RIMBP2: variants seen among roughly 807,000 people sequenced by gnomAD.
The protein encoded by RIMBP2 is RIMS-binding protein 2.
In RIMBP2, 48 loss-of-function variants were observed where a neutral mutation model predicts 118.6. That is an observed-to-expected ratio of 0.40 (90% CI 0.32 to 0.51). The LOEUF is 0.51. RIMBP2 is among the 20% of genes least tolerant of loss of function. The pLI is 0.41. For missense variants in RIMBP2, 1,551 were observed against 1,768.3 expected (o/e 0.88, Z 2.20); for synonymous variants, 762 against 742.9 (o/e 1.03, Z -0.42).
chr12:130,571,442 C>T (rs1282341033), intron 2 of RIMBP2, among the ~76,000 whole-genome samples: 1 of 131,750 alleles, frequency 7.6e-6, no homozygotes, highest in African/African-American at 2.9e-5. Flanking sequence ...TTTTTGGAGA[C>T]AGAGTCTCAC....
At chr12:130,630,898 G>A (rs200738013) in intron 1 of RIMBP2, among the ~76,000 whole-genome samples, 10 of 151,946 alleles carry the variant, frequency 6.6e-5, no homozygotes, top group East Asian at 1.9e-4. Flanking sequence ...ATGTACCTCC[G>A]CAGCCTGTTC....
At chr12:130,644,356 C>T (rs953708449) in intron 1 of RIMBP2, among the ~76,000 whole-genome samples, 4 of 152,196 alleles carry the variant, frequency 2.6e-5, no homozygotes, top group East Asian at 3.9e-4. Flanking sequence ...AGGGCAGACA[C>T]GTGTCACCTT....
At chr12:130,513,505 A>G (rs73155107) in intron 3 of RIMBP2, among the ~76,000 whole-genome samples, 16,598 of 89,172 alleles carry the variant, frequency 0.19, 1,058 homozygotes, top group South Asian at 0.32. Context: ...ACAGTGGCCC[A>G]GTGCGGGGAG....
chr12:130,455,867 G>A (rs1243750305), intron 7 of RIMBP2, among the ~76,000 whole-genome samples: 3 of 151,898 alleles, frequency 2.0e-5, no homozygotes, highest in East Asian at 1.9e-4. Flanking sequence ...CACCTCCACC[G>A]AGGTCTGATT....
intron 19 of RIMBP2, among the ~76,000 whole-genome samples, chr12:130,411,361 C>T (rs1174398935): frequency 2.0e-5 from 3 of 152,070 alleles, no homozygotes; most frequent in Admixed American, 6.5e-5. Flanking sequence ...CTCACCATGT[C>T]GCCCTGGTTA....
At chr12:130,399,559 A>T (rs547493844) in intron 22 of RIMBP2, 120 bp downstream of exon 22, 2 of 1,195,382 alleles carry the variant, frequency 1.7e-6, no homozygotes, top group African/African-American at 3.0e-5. Flanking sequence ...CAGAGAAAAA[A>T]AATTCAGGGT....
Position 130,618,024 on chromosome 12 carries a change from T to TTTACCAAAA in RIMBP2, c.-217+10297_-217+10298insTTTTGGTAA, listed in dbSNP as rs71088771. Among the ~76,000 whole-genome samples, 14 of 65,826 alleles carry TTTACCAAAA rather than the reference T, an allele frequency of 2.1e-4. 3 individuals carry two copies. Among genetic ancestry groups the TTTACCAAAA allele is most frequent in the South Asian group, 5.6e-4 (1 of 1,778 alleles). The allele number at this position is 65,826 out of a possible 152,430, so 43.2% of individuals were successfully genotyped here. On this transcript the variant is annotated intron_variant, in intron 2 of 22. Transcript: ENST00000690449. ...CTGGGCAACATAGAAAGACCTCTTCTAAAAAAAAAAAGTAAAAAAGGGGAA... is the reference window on the plus strand; with the variant it reads ...CTGGGCAACATAGAAAGACCTCTTCTTTACCAAAAAAAAAAAAAAAGTAAAAAAGGGGAA...
chr12:130,575,747 G>C (rs1022767296), intron 2 of RIMBP2, among the ~76,000 whole-genome samples: 2 of 152,246 alleles, frequency 1.3e-5, no homozygotes, highest in Non-Finnish European at 2.9e-5. Flanking sequence ...AGAGTGGTCA[G>C]CAGAGGCTGC....
chr12:130,663,328 G>A lies in RIMBP2; in HGVS notation c.-351-34872C>T, dbSNP rs527555977. Among the ~76,000 whole-genome samples, 10 of 152,216 alleles carry A rather than the reference G, an allele frequency of 6.6e-5. No homozygotes were observed. In the East Asian group the frequency reaches 1.7e-3, roughly 26 times the overall value. On this transcript the variant is annotated intron_variant, in intron 1 of 22. Transcript: ENST00000690449. ...CAGCCTGGGAGGGGGCCAGGCACCT[G>A]TTGACAGAATTTCTGGCCTTTCATG...
chr12:130,634,940 A>G (rs879705559), intron 1 of RIMBP2, among the ~76,000 whole-genome samples: 2 of 151,954 alleles, frequency 1.3e-5, no homozygotes, highest in Non-Finnish European at 2.9e-5. Flanking sequence ...TCCAGTAACA[A>G]CAGAGTCTCC....
At chr12:130,535,728 C>CATATATATACATATAT (rs1230510922) in intron 2 of RIMBP2, among the ~76,000 whole-genome samples, 3 of 128,058 alleles carry the variant, frequency 2.3e-5, no homozygotes, top group African/African-American at 8.7e-5. Flanking sequence ...CATATATATA[C>CATATATATACATATAT]ATATATATAC....
intron 1 of RIMBP2, among the ~76,000 whole-genome samples, chr12:130,701,655 C>T (rs144463673): frequency 0.014 from 2,068 of 152,262 alleles, 23 homozygotes; most frequent in Non-Finnish European, 0.022. Flanking sequence ...CTGATGCTGA[C>T]TTGAGCCCCC....
At chr12:130,690,421 G>A (rs1463877062) in intron 1 of RIMBP2, among the ~76,000 whole-genome samples, 4 of 152,124 alleles carry the variant, frequency 2.6e-5, no homozygotes, top group South Asian at 4.2e-4. Flanking sequence ...CTTGAACAGC[G>A]GTTTTGCCAC....
At position 130,436,983 on chromosome 12, in the gene RIMBP2, C is replaced by CA. The variant is rs773569624; in HGVS notation, c.1964dup (p.Met655IlefsTer74). 5 of 1,609,296 alleles carry CA rather than the reference C, an allele frequency of 3.1e-6. No homozygotes were observed. The highest frequency in any genetic ancestry group is 4.2e-6 in the Non-Finnish European group (5 of 1,177,854). Reference sequence around the variant, plus strand: ...TTCCGGGGCCCACGGGCGGCTCCAGCATGTGCCCATGCACAGGGCCAGGTG... The same window carrying CA: ...TTCCGGGGCCCACGGGCGGCTCCAGCAATGTGCCCATGCACAGGGCCAGGTG... On this transcript the variant is annotated frameshift_variant, in exon 13 of 23. Coordinates refer to ENST00000690449, the MANE Select transcript of RIMBP2 (RefSeq NM_001393629.1). LOFTEE classifies it high-confidence loss of function.
At chr12:130,539,077 C>T (rs940383071) in intron 2 of RIMBP2, among the ~76,000 whole-genome samples, 1 of 152,158 alleles carries the variant, frequency 6.6e-6, no homozygotes, top group African/African-American at 2.4e-5. Context: ...ATCCAGCTTG[C>T]CCCTTTTAAA....
At chr12:130,634,753 G>C (rs1029463102) in intron 1 of RIMBP2, among the ~76,000 whole-genome samples, 2 of 151,896 alleles carry the variant, frequency 1.3e-5, no homozygotes, top group African/African-American at 4.8e-5. Flanking sequence ...CACCATGCCT[G>C]GCTAATGAAA....
chr12:130,711,876 C>T (rs904999603), intron 1 of RIMBP2, among the ~76,000 whole-genome samples: 1 of 152,266 alleles, frequency 6.6e-6, no homozygotes, highest in East Asian at 1.9e-4. Context: ...CCGGGCCGCA[C>T]AGCCTCCTCC....
At chr12:130,516,691 C>A (rs1318876124) in intron 3 of RIMBP2, among the ~76,000 whole-genome samples, 1 of 152,114 alleles carries the variant, frequency 6.6e-6, no homozygotes, top group East Asian at 1.9e-4. Flanking sequence ...AATGCTGAGA[C>A]AAGCTTAGGG....
At chr12:130,585,614 C>CAAA (rs60707391) in intron 2 of RIMBP2, among the ~76,000 whole-genome samples, 1 of 123,014 alleles carries the variant, frequency 8.1e-6, no homozygotes, top group African/African-American at 3.0e-5. Flanking sequence ...GACCCTGTCT[C>CAAA]AAAAAAAAAA....
Sources: gnomAD v4.1 joint callset for allele counts (sites outside exome capture counted in the v4.1 genomes callset) on GRCh38, gnomAD v4.1.1 for gene constraint, MANE v1.5 for transcripts, NCBI Gene and HGNC (gene_info 2026-07-23, HGNC 2026-07-21) for gene names.